Variants in ZNF676 observed in about 807,000 individuals in gnomAD.
ZNF676 encodes the protein zinc finger protein 676.
Under a neutral mutation model 6.0 loss-of-function variants are expected in ZNF676, and 4 were observed. That is an observed-to-expected ratio of 0.67 (90% CI 0.33 to 1.53). The LOEUF (loss-of-function observed/expected upper bound fraction) is 1.53, where lower values mean the gene tolerates loss of function less well. Among genes scored for constraint, ZNF676 ranks in the 40% most tolerant of loss-of-function variants. The pLI, the probability that ZNF676 is intolerant of heterozygous loss-of-function variation, is 0.06. For synonymous variants in ZNF676, 198 were observed against 223.1 expected (o/e 0.89, Z 1.00); for missense variants, 644 against 679.7 (o/e 0.95, Z 0.58).
At chr19:22,201,184 G>A (rs1056542639), upstream of ZNF676, among the ~76,000 whole-genome samples, 17 of 152,156 alleles carry the variant, frequency 1.1e-4, no homozygotes, top group Non-Finnish European at 1.9e-4. Context: ...CATTTTACAA[G>A]TAGGTATAGT....
At chr19:22,207,533 A>T (rs2024087550) in intron 1 of ZNF676, among the ~76,000 whole-genome samples, 1 of 152,240 alleles carries the variant, frequency 6.6e-6, no homozygotes, top group Admixed American at 6.5e-5. Context: ...ATAAATCTAC[A>T]GATGTAATGC....
the ZNF676 span, among the ~76,000 whole-genome samples, chr19:22,233,400 TTTGA>T: frequency 6.6e-6 from 1 of 152,206 alleles, no homozygotes; most frequent in African/African-American, 2.4e-5. Flanking sequence ...CATTGTAATC[TTTGA>T]TTGATATTTG....
chr19:22,222,715 TAGAG>T, the ZNF676 span, among the ~76,000 whole-genome samples: 2 of 152,136 alleles, frequency 1.3e-5, no homozygotes, highest in African/African-American at 4.8e-5. Flanking sequence ...TTATTTGTAA[TAGAG>T]AGAGGTGGTA....
chr19:22,190,668 T>TACAC (rs1555774119), intron 2 of ZNF676, among the ~76,000 whole-genome samples: 4 of 93,760 alleles, frequency 4.3e-5, no homozygotes, highest in South Asian at 3.7e-4. Context: ...TATATATACA[T>TACAC]ACACACTTTA....
At chr19:22,221,841 C>T in the ZNF676 span, among the ~76,000 whole-genome samples, 20 of 151,992 alleles carry the variant, frequency 1.3e-4, no homozygotes, top group Non-Finnish European at 2.9e-4. Context: ...GTATATTCTG[C>T]AGTTGTTGGG....
the ZNF676 span, among the ~76,000 whole-genome samples, chr19:22,238,004 G>C: frequency 1.3e-5 from 2 of 152,240 alleles, no homozygotes; most frequent in African/African-American, 4.8e-5. Context: ...TAGCAGATTT[G>C]AGGCTCAGTA....
upstream of ZNF676, among the ~76,000 whole-genome samples, chr19:22,201,468 T>C (rs1251636731): frequency 6.6e-6 from 1 of 152,218 alleles, no homozygotes; most frequent in African/African-American, 2.4e-5. Flanking sequence ...CCAGGTCTTA[T>C]TTACAAATTC....
chr19:22,188,711 C>G (rs1299776771), intron 2 of ZNF676, among the ~76,000 whole-genome samples: 1 of 151,044 alleles, frequency 6.6e-6, no homozygotes, highest in Non-Finnish European at 1.5e-5. Context: ...TTCTTATACA[C>G]CAATAATAGA....
chr19:22,241,623 C>T, the ZNF676 span, among the ~76,000 whole-genome samples: 3 of 151,406 alleles, frequency 2.0e-5, no homozygotes, highest in Admixed American at 6.6e-5. Context: ...GACGGTCTCT[C>T]TATCAATCAA....
chr19:22,230,601 T>C, the ZNF676 span, among the ~76,000 whole-genome samples: 2 of 151,100 alleles, frequency 1.3e-5, no homozygotes, highest in Non-Finnish European at 2.9e-5. Context: ...TGCATATATA[T>C]GTGTATATAT....
At chr19:22,217,723 T>C (rs911395442), upstream of ZNF676, among the ~76,000 whole-genome samples, 8 of 151,550 alleles carry the variant, frequency 5.3e-5, no homozygotes, top group Non-Finnish European at 8.8e-5. Context: ...TGTTTGTTTG[T>C]TTTTGACATG....
chr19:22,185,085 A>G (rs2023817542), intron 2 of ZNF676, among the ~76,000 whole-genome samples: 1 of 152,120 alleles, frequency 6.6e-6, no homozygotes, highest in Non-Finnish European at 1.5e-5. Context: ...GACACCTCCC[A>G]GTAGAAGCTG....
chr19:22,225,072 T>C, the ZNF676 span, among the ~76,000 whole-genome samples: 1 of 152,140 alleles, frequency 6.6e-6, no homozygotes, highest in East Asian at 1.9e-4. Context: ...AGGTTTTACA[T>C]CTTGTAAAAC....
At chr19:22,233,320 C>G in the ZNF676 span, among the ~76,000 whole-genome samples, 4 of 126,080 alleles carry the variant, frequency 3.2e-5, no homozygotes, top group Non-Finnish European at 6.5e-5. Flanking sequence ...AATTTATTTT[C>G]TTTTTTAAGG....
chr19:22,191,503 C>G (rs557066980), intron 2 of ZNF676, among the ~76,000 whole-genome samples: 2 of 152,256 alleles, frequency 1.3e-5, no homozygotes, highest in Admixed American at 1.3e-4. Flanking sequence ...TCAGTTCCAG[C>G]TTCCTAAGCC....
the ZNF676 span, among the ~76,000 whole-genome samples, chr19:22,242,146 T>C: frequency 4.6e-5 from 7 of 152,044 alleles, no homozygotes; most frequent in Admixed American, 3.3e-4. Flanking sequence ...GTATGAGAGT[T>C]ATTATTGCAC....
At chr19:22,223,427 C>A in the ZNF676 span, among the ~76,000 whole-genome samples, 7 of 151,966 alleles carry the variant, frequency 4.6e-5, no homozygotes, top group Non-Finnish European at 1.5e-5. Flanking sequence ...CAGATATGAG[C>A]CAGGATGCCT....
At chr19:22,205,184 G>A (rs915235869) in intron 1 of ZNF676, among the ~76,000 whole-genome samples, 1 of 152,084 alleles carries the variant, frequency 6.6e-6, no homozygotes, top group Non-Finnish European at 1.5e-5. Flanking sequence ...GACCTATGAA[G>A]AGACTTAGAA....
chr19:22,193,832 GA>G (rs1281949705), intron 1 of ZNF676, among the ~76,000 whole-genome samples: 1 of 152,190 alleles, frequency 6.6e-6, no homozygotes, highest in East Asian at 1.9e-4. Context: ...TTAAATTACT[GA>G]AAGAATTAAA....
Sources: allele counts gnomAD v4.1 joint callset (sites outside exome capture counted in the v4.1 genomes callset), GRCh38; gene constraint gnomAD v4.1.1; transcripts MANE v1.5; gene names NCBI Gene and HGNC (gene_info 2026-07-23, HGNC 2026-07-21).